EYA2: variants seen among roughly 807,000 people sequenced by gnomAD.
EYA2 encodes EYA transcriptional coactivator and phosphatase 2.
A neutral mutation model predicts 69.2 loss-of-function variants in EYA2; 31 were observed. The observed-to-expected ratio is 0.45, with a 90% CI of 0.34 to 0.60. The LOEUF (loss-of-function observed/expected upper bound fraction) is 0.60. Among genes scored for constraint, EYA2 ranks in the 20% least tolerant of loss-of-function variants. The probability of loss-of-function intolerance (pLI) is 0.02; values close to 1 mark genes in which losing one functional copy is unlikely to be tolerated. For synonymous variants in EYA2, 257 were observed against 279.4 expected (o/e 0.92, Z 0.80); for missense variants, 622 against 701.2 (o/e 0.89, Z 1.28).
intron 10 of EYA2, chr20:47,166,817 G>C (rs2034207435): frequency 6.6e-6 from 1 of 152,222 alleles, no homozygotes. Flanking sequence ...GGGTTCATGA[G>C]GGTCATGCCC....
intron 10 of EYA2, among the ~76,000 whole-genome samples, chr20:47,146,686 A>AGCT (rs1265613603): frequency 1.3e-5 from 2 of 152,212 alleles, no homozygotes; most frequent in African/African-American, 4.8e-5. Flanking sequence ...TGCCCAGGGA[A>AGCT]GCTGTGTGGA....
intron 5 of EYA2, among the ~76,000 whole-genome samples, chr20:47,018,192 G>A (rs1983524067): frequency 6.6e-6 from 1 of 152,138 alleles, no homozygotes; most frequent in Non-Finnish European, 1.5e-5. Context: ...ACTGCCTCAG[G>A]GCTTCTGAGG....
chr20:47,162,111 G>A (rs1002481649), intron 10 of EYA2, among the ~76,000 whole-genome samples: 7 of 152,058 alleles, frequency 4.6e-5, no homozygotes, highest in Admixed American at 2.0e-4. Context: ...CTCTGTCCTC[G>A]TCATCACCTG....
intron 4 of EYA2, among the ~76,000 whole-genome samples, chr20:47,014,511 A>G (rs1983281715): frequency 1.3e-5 from 2 of 152,154 alleles, no homozygotes; most frequent in South Asian, 2.1e-4. Flanking sequence ...TGTCACCTAC[A>G]ATCTAGGGAG....
chr20:47,036,368 A>C (rs529313541), intron 5 of EYA2, among the ~76,000 whole-genome samples: 72 of 152,338 alleles, frequency 4.7e-4, no homozygotes, highest in African/African-American at 1.7e-3. Flanking sequence ...TTTTGAAATA[A>C]AGACAGACTC....
chr20:46,921,528 G>C (rs1985178381), intron 1 of EYA2, among the ~76,000 whole-genome samples: 1 of 152,132 alleles, frequency 6.6e-6, no homozygotes, highest in Non-Finnish European at 1.5e-5. Context: ...CCTCCCCATG[G>C]GCAGTCACAA....
chr20:46,905,711 T>C (rs1167509159), intron 1 of EYA2, among the ~76,000 whole-genome samples: 1 of 152,184 alleles, frequency 6.6e-6, no homozygotes, highest in Non-Finnish European at 1.5e-5. Flanking sequence ...TGGGGTCCCC[T>C]CTATCACCAA....
In EYA2 at chr20:47,083,868, C is replaced by T. The variant is rs114231779; in HGVS notation, c.662-5371C>T. On this transcript the variant is annotated intron_variant, in intron 7 of 15. Coordinates refer to ENST00000327619, the MANE Select transcript of EYA2 (RefSeq NM_005244.5). The stretch of plus-strand genomic sequence containing the variant: ...GTCCAGGAGAAAAATAATTGCAAGG[C>T]ATATCTCGAATAAAGCATGTGTTTA... Among the ~76,000 whole-genome samples the T allele has an allele frequency of 3.0e-3, 463 of 152,242 alleles. 3 individuals carry two copies. The highest frequency in any genetic ancestry group is 0.011 in the African/African-American group (437 of 41,522).
At chr20:46,911,521 G>A (rs1984642607) in intron 1 of EYA2, among the ~76,000 whole-genome samples, 1 of 152,178 alleles carries the variant, frequency 6.6e-6, no homozygotes, top group South Asian at 2.1e-4. Context: ...GCCTGTTTGA[G>A]ATGTTATAGA....
At chr20:47,184,135 C>T (rs111837832) in intron 15 of EYA2, among the ~76,000 whole-genome samples, 1 of 152,166 alleles carries the variant, frequency 6.6e-6, no homozygotes. Context: ...CTGTTCCCTC[C>T]ACCTGGAAGG....
Position 47,188,208 on chromosome 20 carries a change from C to T in EYA2, c.*75C>T. 1 of 1,405,736 alleles carries T rather than the reference C, an allele frequency of 7.1e-7. No individual in the cohort carries two copies. The highest frequency in any genetic ancestry group is 1.2e-5 in the South Asian group (1 of 81,284). 87.1% of individuals were successfully genotyped at this position (1,405,736 alleles called of 1,614,324 possible). The stretch of plus-strand genomic sequence containing the variant: ...CTTCCCCACCTCCCCACCGAGAACT[C>T]CAGAGACCCAGATGTTGGACACCAG... On this transcript the variant is annotated 3_prime_UTR_variant, in exon 16 of 16. Coordinates refer to ENST00000327619, the MANE Select transcript of EYA2 (RefSeq NM_005244.5).
Position 47,188,243 on chromosome 20 carries a change from C to T in EYA2, c.*110C>T, listed in dbSNP as rs1044226875. 1.4e-5 allele frequency: 14 copies of T among 1,034,888 alleles called. No individual in the cohort carries two copies. The African/African-American group carries it at 2.2e-4, about 17-fold the overall frequency. 64.1% of individuals were successfully genotyped at this position (1,034,888 alleles called of 1,614,324 possible). On this transcript the variant is annotated 3_prime_UTR_variant, in exon 16 of 16. Coordinates refer to ENST00000327619, the MANE Select transcript of EYA2 (RefSeq NM_005244.5). ...AGATGTTGGACACCAGGAAGGGGCC[C>T]CACAGCCGAGACGACGTGTCCAGTG...
chr20:46,947,658 C>G (rs1456209324), intron 1 of EYA2, among the ~76,000 whole-genome samples: 1 of 152,200 alleles, frequency 6.6e-6, no homozygotes, highest in East Asian at 1.9e-4. Flanking sequence ...CAGAACATCA[C>G]ACACTGATCT....
intron 14 of EYA2, among the ~76,000 whole-genome samples, chr20:47,181,436 A>G (rs1280082982): frequency 1.3e-5 from 2 of 152,230 alleles, no homozygotes; most frequent in African/African-American, 4.8e-5. Context: ...TCAGAAGGCT[A>G]TGTACATTAC....
At chr20:47,079,903 T>C (rs1600693343) in intron 7 of EYA2, among the ~76,000 whole-genome samples, 2 of 152,256 alleles carry the variant, frequency 1.3e-5, no homozygotes, top group Admixed American at 6.5e-5. Flanking sequence ...ATAAGGAATT[T>C]CTAGAAGGAT....
At chr20:47,072,311 A>G in intron 6 of EYA2, 59 bp downstream of exon 6, 9 of 1,504,052 alleles carry the variant, frequency 6.0e-6, no homozygotes, top group Non-Finnish European at 8.2e-6. Flanking sequence ...TTCCCCTTAC[A>G]TCAGGGCACC....
At chr20:46,985,587 C>T (rs980226805) in intron 1 of EYA2, among the ~76,000 whole-genome samples, 1 of 152,152 alleles carries the variant, frequency 6.6e-6, no homozygotes, top group African/African-American at 2.4e-5. Context: ...TATGACATAG[C>T]TCTCAAATGC....
intron 4 of EYA2, among the ~76,000 whole-genome samples, chr20:47,008,489 G>T (rs564922229): frequency 6.6e-6 from 1 of 152,198 alleles, no homozygotes; most frequent in Non-Finnish European, 1.5e-5. Context: ...TGCTGTGCTA[G>T]AAGGCTTAGA....
chr20:46,924,691 A>AAAAAAAAAAAAC (rs1985336597), intron 1 of EYA2, among the ~76,000 whole-genome samples: 1 of 144,738 alleles, frequency 6.9e-6, no homozygotes, highest in African/African-American at 2.5e-5. Flanking sequence ...AAAAAAAAAA[A>AAAAAAAAAAAAC]AAGCCCCAAG....
Sources: allele counts gnomAD v4.1 joint callset (sites outside exome capture counted in the v4.1 genomes callset), GRCh38; gene constraint gnomAD v4.1.1; transcripts MANE v1.5; gene names NCBI Gene and HGNC (gene_info 2026-07-23, HGNC 2026-07-21).